PYGB: variants seen among roughly 807,000 people sequenced by gnomAD.
The protein encoded by PYGB is glycogen phosphorylase, brain form.
PYGB carries 82 observed loss-of-function variants against 94.3 expected under a neutral mutation model. The observed-to-expected ratio is 0.87, with a 90% CI of 0.73 to 1.04. The LOEUF is 1.04. PYGB is among the 50% of genes least tolerant of loss of function. The pLI is 0.00. For synonymous variants in PYGB, 488 were observed against 479.1 expected, an observed-to-expected ratio of 1.02 and a Z score of -0.24; for missense variants, 1,132 against 1,158.2, an observed-to-expected ratio of 0.98 and a Z score of 0.33.
intron 2 of PYGB, among the ~76,000 whole-genome samples, chr20:25,261,057 G>A (rs1195875121): frequency 6.6e-6 from 1 of 152,242 alleles, no homozygotes; most frequent in East Asian, 1.9e-4. Flanking sequence ...TGGGGGCAGG[G>A]CATAGCTGAA....
chr20:25,294,844 C>A, intron 18 of PYGB: 1 of 998,506 alleles, frequency 1.0e-6, no homozygotes, highest in Non-Finnish European at 1.6e-6. Flanking sequence ...CAGGGCAGTT[C>A]TTCACCGTTG....
intron 18 of PYGB, chr20:25,294,724 G>A (rs2088512947): frequency 1.6e-6 from 1 of 618,870 alleles, no homozygotes; most frequent in African/African-American, 1.8e-5. Flanking sequence ...GGTGAAAATG[G>A]ATTTCACTTG....
chr20:25,248,799 A>G (rs1477684226), intron 1 of PYGB, among the ~76,000 whole-genome samples: 1 of 152,274 alleles, frequency 6.6e-6, no homozygotes, highest in Non-Finnish European at 1.5e-5. Context: ...GTTTTCCTGC[A>G]GCAGCCTGTG....
intron 12 of PYGB, among the ~76,000 whole-genome samples, chr20:25,282,422 A>G (rs572468010): frequency 5.9e-5 from 9 of 152,366 alleles, no homozygotes; most frequent in African/African-American, 2.2e-4. Context: ...CCACTGCAAA[A>G]GAGTCAAGAG....
Position 25,280,939 on chromosome 20 carries a change from T to G in PYGB, c.1240-10T>G. On this transcript the variant is annotated splice_polypyrimidine_tract_variant and intron_variant, in intron 10 of 19. Transcript: ENST00000216962. ...GTGCCCACCCACCTGCCTCTGTGTT[T>G]TGGCACCAGCACGTGGCCGCGCTGT... The G allele has an allele frequency of 6.2e-7, 1 of 1,613,290 alleles. No individual in the cohort carries two copies. The highest frequency in any genetic ancestry group is 1.3e-5 in the African/African-American group (1 of 75,032).
chr20:25,272,631 G>C (rs1568689663), intron 4 of PYGB, among the ~76,000 whole-genome samples: 1 of 152,228 alleles, frequency 6.6e-6, no homozygotes. Flanking sequence ...GTAAAGAAAA[G>C]AAATGGCTAA....
At chr20:25,251,723 G>A (rs2092888584) in intron 1 of PYGB, among the ~76,000 whole-genome samples, 1 of 152,170 alleles carries the variant, frequency 6.6e-6, no homozygotes, top group Non-Finnish European at 1.5e-5. Flanking sequence ...AAGCTGTGTT[G>A]TCGATGTGCT....
Position 25,248,374 on chromosome 20 carries a change from G to A in PYGB, c.196G>A (p.Gly66Ser), listed in dbSNP as rs750167591. 1 of 1,594,142 alleles carries A rather than the reference G, an allele frequency of 6.3e-7. No homozygotes were observed. The highest frequency in any genetic ancestry group is 1.1e-5 in the South Asian group (1 of 88,596). Residue 66 changes from glycine to serine, a missense_variant, in exon 1 of 20, where the codon GGC becomes AGC. By Grantham distance (56) the Gly-to-Ser change is moderately conservative. Transcript: ENST00000216962. ...LAHTVRDHLV[G>S]RWIRTQQHYY... ...GCACACGGTGCGCGACCACCTCGTG[G>A]GCCGCTGGATCCGCACGCAGCAGCA...
intron 18 of PYGB, 150 bp downstream of exon 18, chr20:25,294,442 G>C (rs2088508437): frequency 6.5e-6 from 7 of 1,075,746 alleles, no homozygotes; most frequent in Non-Finnish European, 9.2e-6. Context: ...TTACTGGGCA[G>C]AGCCTTAGAC....
chr20:25,261,263 G>C (rs1164005923), intron 2 of PYGB, among the ~76,000 whole-genome samples: 1 of 152,192 alleles, frequency 6.6e-6, no homozygotes, highest in Non-Finnish European at 1.5e-5. Flanking sequence ...ACACAGCCGG[G>C]TGCCCCTCTG....
intron 16 of PYGB, among the ~76,000 whole-genome samples, chr20:25,291,295 C>G (rs1325698676): frequency 6.6e-6 from 1 of 152,176 alleles, no homozygotes; most frequent in Non-Finnish European, 1.5e-5. Context: ...CCCCTGTGGG[C>G]TCTACTGGGC....
At chr20:25,268,173 T>A (rs1238240137) in intron 2 of PYGB, among the ~76,000 whole-genome samples, 1 of 11,682 alleles carries the variant, frequency 8.6e-5, no homozygotes, top group Non-Finnish European at 1.7e-4. Context: ...CCCCCCCCCA[T>A]ATCCAAAATA....
At chr20:25,281,538 C>A (rs2088367183) in intron 11 of PYGB, among the ~76,000 whole-genome samples, 1 of 152,262 alleles carries the variant, frequency 6.6e-6, no homozygotes, top group African/African-American at 2.4e-5. Flanking sequence ...CCCACTCTTT[C>A]ACGTAGCATG....
chr20:25,290,352 A>G (rs1332812896), intron 15 of PYGB, 129 bp from the exon 16 acceptor site: 1 of 1,256,650 alleles, frequency 8.0e-7, no homozygotes, highest in Non-Finnish European at 1.1e-6. Flanking sequence ...TAGCTCCTCT[A>G]CTGACCGTCC....
In PYGB at chr20:25,277,238, TC is replaced by T. The variant is rs1289647443; in HGVS notation, c.773-5del. 2 of 1,551,936 alleles carry T rather than the reference TC, an allele frequency of 1.3e-6. No individual in the cohort carries two copies. Among genetic ancestry groups the T allele is most frequent in the East Asian group, 4.5e-5 (2 of 44,554 alleles). ...TGTGTGTTGACCCCGCTCCATTTCT[TC>T]TTAGTCAACGTGGGAGACTACATCG... is the stretch of plus-strand genomic sequence containing the variant. On this transcript the variant is annotated splice_region_variant and splice_polypyrimidine_tract_variant and intron_variant, in intron 6 of 19. Transcript: ENST00000216962.
At position 25,290,007 on chromosome 20, in the gene PYGB, A is replaced by C. The variant is rs1012711155; in HGVS notation, c.1828-474A>C. ...TAAAAGTTGGTCTGAGTGAGGGCCC[A>C]GTGAGTCCTCACCTTGGACTGGCCG... is the stretch of plus-strand genomic sequence containing the variant. On this transcript the variant is annotated intron_variant, in intron 15 of 19. Transcript: ENST00000216962. The C allele has an allele frequency of 7.6e-6, 4 of 525,652 alleles. No homozygotes were observed. In the Admixed American group the frequency reaches 7.9e-5, roughly 10 times the overall value. The allele number at this position is 525,652 out of a possible 1,614,324, so 32.6% of individuals were successfully genotyped here. A position where few individuals can be genotyped will look rare whatever the true frequency, so the allele number is the denominator to read the frequency against.
chr20:25,249,090 T>C (rs1357648406), intron 1 of PYGB, among the ~76,000 whole-genome samples: 1 of 152,198 alleles, frequency 6.6e-6, no homozygotes, highest in African/African-American at 2.4e-5. Flanking sequence ...TTTTATATCT[T>C]GCAAAAATTT....
chr20:25,265,825 GA>G (rs1193659305), intron 2 of PYGB, among the ~76,000 whole-genome samples: 2 of 146,062 alleles, frequency 1.4e-5, no homozygotes, highest in African/African-American at 4.8e-5. Flanking sequence ...TTGATCTCCT[GA>G]CCTTGTGATC....
intron 4 of PYGB, among the ~76,000 whole-genome samples, chr20:25,273,785 G>C (rs562715634): frequency 5.6e-4 from 85 of 152,356 alleles, no homozygotes; most frequent in Admixed American, 1.1e-3. Context: ...CTCACTGCCA[G>C]CTGCCAACTT....
Sources: gnomAD v4.1 joint callset for allele counts (sites outside exome capture counted in the v4.1 genomes callset) on GRCh38, gnomAD v4.1.1 for gene constraint, MANE v1.5 for transcripts, NCBI Gene and HGNC (gene_info 2026-07-23, HGNC 2026-07-21) for gene names.